Variants in DYNLT2B observed in about 807,000 individuals in gnomAD.
DYNLT2B encodes dynein light chain Tctex-type protein 2B.
DYNLT2B carries 14 observed loss-of-function variants against 19.5 expected under a neutral mutation model. That is an observed-to-expected ratio of 0.72 (90% CI 0.47 to 1.12). The LOEUF (loss-of-function observed/expected upper bound fraction) is 1.12, where lower values mean the gene tolerates loss of function less well. Among genes scored for constraint, DYNLT2B ranks in the 50% most tolerant of loss-of-function variants. The pLI is 0.00. For missense variants in DYNLT2B, 133 were observed against 174.7 expected (o/e 0.76, Z 1.35); for synonymous variants, 70 against 59.7 (o/e 1.17, Z -0.79).
chr3:196,301,917 G>C (rs1726364248), intron 3 of DYNLT2B, among the ~76,000 whole-genome samples: 1 of 151,976 alleles, frequency 6.6e-6, no homozygotes, highest in Non-Finnish European at 1.5e-5. Flanking sequence ...CAACAGAAAA[G>C]AGGATGATTG....
At chr3:196,297,879 T>A (rs901829598) in intron 3 of DYNLT2B, among the ~76,000 whole-genome samples, 3 of 151,988 alleles carry the variant, frequency 2.0e-5, no homozygotes, top group Admixed American at 6.6e-5. Context: ...AAACAAAAGG[T>A]CTCACATATT....
chr3:196,317,699 C>G (rs1186888335), intron 1 of DYNLT2B, among the ~76,000 whole-genome samples: 1 of 152,184 alleles, frequency 6.6e-6, no homozygotes, highest in Non-Finnish European at 1.5e-5. Flanking sequence ...CACGGCTGAA[C>G]GGCATCCGAC....
At chr3:196,304,375 C>T (rs528119536) in intron 3 of DYNLT2B, among the ~76,000 whole-genome samples, 115 of 152,262 alleles carry the variant, frequency 7.6e-4, no homozygotes, top group African/African-American at 2.3e-3. Flanking sequence ...TCAAGTGATC[C>T]ACCCACCTCG....
intron 3 of DYNLT2B, among the ~76,000 whole-genome samples, chr3:196,304,630 G>T (rs1412810781): frequency 6.6e-6 from 1 of 151,614 alleles, no homozygotes; most frequent in African/African-American, 2.4e-5. Flanking sequence ...GGCAGAGCTT[G>T]CAGTGAGCCA....
intron 3 of DYNLT2B, among the ~76,000 whole-genome samples, chr3:196,302,624 G>A (rs1366009461): frequency 6.6e-6 from 1 of 152,188 alleles, no homozygotes; most frequent in Non-Finnish European, 1.5e-5. Flanking sequence ...TTCCTGTGCT[G>A]AAAATTCCAA....
Position 196,316,034 on chromosome 3 carries a change from G to GGGC in DYNLT2B, c.247+61_247+63dup, listed in dbSNP as rs1560193930. On this transcript the variant is annotated intron_variant, in intron 2 of 4. Transcript: ENST00000325318. ...TGTCCTTTGTTTAAAGATGGAGAGG[G>GGGC]GGCAAATGGGTAATACTGACTCTGT... The GGGC allele has an allele frequency of 1.9e-6, 3 of 1,551,452 alleles. No individual in the cohort carries two copies. In the African/African-American group the frequency reaches 4.1e-5, roughly 21 times the overall value.
At chr3:196,300,173 A>C (rs1577388008) in intron 3 of DYNLT2B, among the ~76,000 whole-genome samples, 1 of 152,310 alleles carries the variant, frequency 6.6e-6, no homozygotes, top group South Asian at 2.1e-4. Context: ...TCTTCATTTT[A>C]GTTCAATGAA....
At chr3:196,297,150 A>AG (rs1162358884) in intron 3 of DYNLT2B, among the ~76,000 whole-genome samples, 1 of 152,054 alleles carries the variant, frequency 6.6e-6, no homozygotes, top group Non-Finnish European at 1.5e-5. Context: ...ACTGCACTCC[A>AG]GCCTGGGAGA....
chr3:196,298,194 T>A, intron 3 of DYNLT2B: 1 of 338,174 alleles, frequency 3.0e-6, no homozygotes, highest in Non-Finnish European at 6.0e-6. Context: ...CGCTTACTCT[T>A]AAAAGACTTG....
intron 4 of DYNLT2B, among the ~76,000 whole-genome samples, chr3:196,295,561 G>A (rs1355269493): frequency 6.6e-6 from 1 of 152,034 alleles, no homozygotes; most frequent in East Asian, 1.9e-4. Flanking sequence ...AATGACCTTT[G>A]CTCATGGAAT....
intron 2 of DYNLT2B, among the ~76,000 whole-genome samples, chr3:196,311,347 G>A (rs1052179653): frequency 2.6e-5 from 4 of 151,390 alleles, no homozygotes. Flanking sequence ...GCTGCAGTGA[G>A]CCAAGACTGC....
intron 4 of DYNLT2B, among the ~76,000 whole-genome samples, chr3:196,295,792 T>C (rs1025275096): frequency 5.9e-5 from 9 of 152,208 alleles, no homozygotes; most frequent in African/African-American, 2.2e-4. Context: ...TGAAAAATTA[T>C]GTCATATGTA....
chr3:196,301,380 C>T (rs374875601), intron 3 of DYNLT2B, among the ~76,000 whole-genome samples: 2 of 152,176 alleles, frequency 1.3e-5, no homozygotes, highest in East Asian at 1.9e-4. Context: ...CAAACTCACA[C>T]ATGACCCAGA....
chr3:196,300,717 GAAA>G (rs1321083607), intron 3 of DYNLT2B, among the ~76,000 whole-genome samples: 4 of 100,564 alleles, frequency 4.0e-5, no homozygotes, highest in Admixed American at 1.5e-4. Flanking sequence ...CAACAAGAAT[GAAA>G]CTCTGTCTCC....
chr3:196,307,160 G>A, intron 2 of DYNLT2B, 148 bp from the exon 3 acceptor site: 1 of 651,252 alleles, frequency 1.5e-6, no homozygotes, highest in Admixed American at 2.7e-5. Context: ...AGGACGTGAA[G>A]GCAGATCCTA....
At chr3:196,315,862 A>G (rs1726776037) in intron 2 of DYNLT2B, among the ~76,000 whole-genome samples, 1 of 152,078 alleles carries the variant, frequency 6.6e-6, no homozygotes, top group African/African-American at 2.4e-5. Flanking sequence ...ACAAGAGTGA[A>G]ACTCCATCTC....
intron 2 of DYNLT2B, among the ~76,000 whole-genome samples, chr3:196,310,708 G>A (rs946398114): frequency 2.6e-5 from 4 of 151,894 alleles, no homozygotes; most frequent in Admixed American, 1.3e-4. Flanking sequence ...GATTACAGGC[G>A]TGAGCCACCT....
chr3:196,293,714 G>A (rs1479010938), intron 4 of DYNLT2B, among the ~76,000 whole-genome samples: 11 of 136,752 alleles, frequency 8.0e-5, no homozygotes, highest in Admixed American at 2.4e-4. Flanking sequence ...GCACAATCTC[G>A]CCTCACTGCA....
chr3:196,304,128 GTTTT>G (rs1173179171), intron 3 of DYNLT2B, among the ~76,000 whole-genome samples: 3 of 151,840 alleles, frequency 2.0e-5, no homozygotes, highest in Non-Finnish European at 4.4e-5. Context: ...TAAAAACTTG[GTTTT>G]TTTATTTTTT....
Sources: gnomAD v4.1 joint callset for allele counts (sites outside exome capture counted in the v4.1 genomes callset) on GRCh38, gnomAD v4.1.1 for gene constraint, MANE v1.5 for transcripts, NCBI Gene and HGNC (gene_info 2026-07-23, HGNC 2026-07-21) for gene names.